The following MTHFD1L variants were observed in gnomAD, a reference collection of about 807,000 sequenced individuals.
MTHFD1L encodes monofunctional C1-tetrahydrofolate synthase, mitochondrial.
In MTHFD1L, 81 loss-of-function variants were observed where a neutral mutation model predicts 119.5. The ratio of observed to expected loss-of-function variants is 0.68; its 90% CI spans 0.57 to 0.82. MTHFD1L has a LOEUF of 0.82. MTHFD1L is among the 40% of genes least tolerant of loss of function. MTHFD1L has a pLI of 0.00. For missense variants in MTHFD1L, 1,125 were observed against 1,253.4 expected, an observed-to-expected ratio of 0.90 and a Z score of 1.55; for synonymous variants, 430 against 475.2, an observed-to-expected ratio of 0.90 and a Z score of 1.24.
intron 8 of MTHFD1L, among the ~76,000 whole-genome samples, chr6:150,910,157 G>A (rs920123294): frequency 6.6e-6 from 1 of 151,786 alleles, no homozygotes; most frequent in African/African-American, 2.4e-5. Flanking sequence ...CTCCAGCCTG[G>A]GCAGCAAGAG....
At chr6:150,953,647 A>G (rs1290681018) in intron 16 of MTHFD1L, among the ~76,000 whole-genome samples, 4 of 152,152 alleles carry the variant, frequency 2.6e-5, no homozygotes, top group Non-Finnish European at 5.9e-5. Context: ...TCACTGATGC[A>G]TCACTTACCG....
intron 24 of MTHFD1L, among the ~76,000 whole-genome samples, chr6:151,023,288 C>A (rs927819018): frequency 6.6e-6 from 1 of 152,130 alleles, no homozygotes; most frequent in Admixed American, 6.5e-5. Context: ...CTCAAGTGAT[C>A]TGTCCTCCTC....
At chr6:151,085,566 T>C (rs1584434228) in intron 26 of MTHFD1L, among the ~76,000 whole-genome samples, 1 of 152,016 alleles carries the variant, frequency 6.6e-6, no homozygotes, top group South Asian at 2.1e-4. Flanking sequence ...AGGTCAGGAG[T>C]TTGAGACCAG....
chr6:150,867,782 T>G (rs903656936), intron 1 of MTHFD1L, among the ~76,000 whole-genome samples: 4 of 151,474 alleles, frequency 2.6e-5, no homozygotes, highest in Non-Finnish European at 1.5e-5. Flanking sequence ...GTGGGTTTTA[T>G]TCATACATAT....
At chr6:151,076,716 C>G (rs1184414120) in intron 26 of MTHFD1L, among the ~76,000 whole-genome samples, 1 of 151,514 alleles carries the variant, frequency 6.6e-6, no homozygotes, top group Non-Finnish European at 1.5e-5. Context: ...CTGGAACCCT[C>G]ATACACTGCT....
Position 150,887,898 on chromosome 6 carries a change from G to T in MTHFD1L, c.697G>T (p.Glu233Ter). 6.2e-7 allele frequency: 1 copy of T among 1,610,412 alleles called. No homozygotes were observed. Among genetic ancestry groups the T allele is most frequent in the Non-Finnish European group, 8.5e-7 (1 of 1,178,582 alleles). The part of the protein sequence containing the change: ...ILVVGAHGSL[E>*]AALQCLFQRK... ...GGTAGTGGGGGCCCATGGGTCTTTG[G>T]AAGCTGCTCTACAATGCCTGTTCCA... The change falls in exon 7 of 28, where the codon GAA (glutamate) becomes TAA (stop). Residue 233 changes from glutamate (E) to a stop codon, truncating the protein, a stop_gained. Coordinates refer to ENST00000367321, the MANE Select transcript of MTHFD1L (RefSeq NM_015440.5). LOFTEE classifies it high-confidence loss of function.
chr6:150,923,537 A>ATTTTT (rs1231382945), intron 10 of MTHFD1L, among the ~76,000 whole-genome samples: 2 of 95,208 alleles, frequency 2.1e-5, no homozygotes, highest in African/African-American at 1.0e-4. Context: ...TTATTTATTT[A>ATTTTT]TTTTTTCTTT....
intron 26 of MTHFD1L, among the ~76,000 whole-genome samples, chr6:151,074,424 A>G (rs1792298726): frequency 6.6e-6 from 1 of 152,250 alleles, no homozygotes; most frequent in African/African-American, 2.4e-5. Flanking sequence ...ATAGCGTTAA[A>G]AACATTTAGA....
chr6:151,021,280 G>T (rs188919642), intron 24 of MTHFD1L, among the ~76,000 whole-genome samples: 5 of 152,334 alleles, frequency 3.3e-5, no homozygotes, highest in Admixed American at 2.6e-4. Context: ...AGGAGTGGTG[G>T]CTCTCGCCTG....
intron 19 of MTHFD1L, among the ~76,000 whole-genome samples, chr6:150,967,152 G>T (rs1797332874): frequency 6.6e-6 from 1 of 152,164 alleles, no homozygotes; most frequent in Non-Finnish European, 1.5e-5. Context: ...CCCAGCTCTT[G>T]TCTGTCACTG....
Position 150,876,094 on chromosome 6 carries a change from G to C in MTHFD1L, c.232G>C (p.Val78Leu). 1 of 1,602,544 alleles carries C rather than the reference G, an allele frequency of 6.2e-7. No homozygotes were observed. Among genetic ancestry groups the C allele is most frequent in the Non-Finnish European group, 8.5e-7 (1 of 1,171,784 alleles). ...TTGTTTTCTTTCTCAATGTAGAGAA[G>C]TCATTCAGAATTCAAAAGAAGTTCT... ...PAARDSIVRE[V>L]IQNSKEVLSL... is the part of the protein sequence containing the mutation. The change falls in exon 2 of 28, where the codon GTC becomes CTC. Residue 78 changes from valine to leucine, a missense_variant. Physicochemically the swap from Val to Leu is conservative, Grantham distance 32. This residue lies in a region of MTHFD1L where 1,058 missense variants were observed against 1,151.2 expected (regional missense o/e 0.92). Transcript: ENST00000367321.
At chr6:151,040,995 C>G (rs1308742928) in intron 26 of MTHFD1L, among the ~76,000 whole-genome samples, 1 of 152,206 alleles carries the variant, frequency 6.6e-6, no homozygotes, top group Non-Finnish European at 1.5e-5. Flanking sequence ...TGAAGTGAGC[C>G]CTCTGTGTCA....
Position 150,872,128 on chromosome 6 carries a change from G to A in MTHFD1L, c.228-3962G>A, listed in dbSNP as rs1475784671. On this transcript the variant is annotated intron_variant, in intron 1 of 27. Coordinates refer to ENST00000367321, the MANE Select transcript of MTHFD1L (RefSeq NM_015440.5). The stretch of plus-strand genomic sequence containing the variant: ...CCTGACCTCGTGATCCGCCCGCCTC[G>A]GCCTCCCAAAGTGCTGGGATTACAG... Among the ~76,000 whole-genome samples, 4 of 151,948 alleles carry A rather than the reference G, an allele frequency of 2.6e-5. 1 individual carries two copies. Among genetic ancestry groups the A allele is most frequent in the Non-Finnish European group, 1.5e-5 (1 of 67,980 alleles).
At chr6:150,972,877 T>G (rs1798169179) in intron 20 of MTHFD1L, among the ~76,000 whole-genome samples, 2 of 152,206 alleles carry the variant, frequency 1.3e-5, no homozygotes, top group Admixed American at 6.5e-5. Context: ...TGTCAAGTTC[T>G]TTGCAGAACC....
intron 27 of MTHFD1L, among the ~76,000 whole-genome samples, chr6:151,097,966 G>C (rs750565679): frequency 1.1e-4 from 17 of 152,064 alleles, no homozygotes; most frequent in Admixed American, 2.6e-4. Flanking sequence ...TTGAGCCCAG[G>C]AATTCGAGAC....
intron 7 of MTHFD1L, among the ~76,000 whole-genome samples, chr6:150,895,336 G>A (rs1784037942): frequency 6.6e-6 from 1 of 152,194 alleles, no homozygotes; most frequent in Non-Finnish European, 1.5e-5. Context: ...GGGCAGGTAC[G>A]GCAGGGCCCT....
chr6:150,961,959 T>C (rs567632569), intron 18 of MTHFD1L, among the ~76,000 whole-genome samples: 155 of 152,300 alleles, frequency 1.0e-3, no homozygotes, highest in African/African-American at 3.6e-3. Flanking sequence ...CCTCAAATAC[T>C]GCTTCCTTAA....
At chr6:150,976,140 G>A (rs1776531260) in intron 20 of MTHFD1L, among the ~76,000 whole-genome samples, 1 of 152,180 alleles carries the variant, frequency 6.6e-6, no homozygotes, top group East Asian at 1.9e-4. Context: ...GGCAGAGGTT[G>A]CAGTGAGCTG....
intron 27 of MTHFD1L, among the ~76,000 whole-genome samples, chr6:151,095,235 T>G (rs41391451): frequency 0.034 from 5,114 of 152,300 alleles, 176 homozygotes; most frequent in Admixed American, 0.11. Flanking sequence ...GATAAAATGT[T>G]GTTTCATCTT....
Sources: allele counts gnomAD v4.1 joint callset (sites outside exome capture counted in the v4.1 genomes callset), GRCh38; gene constraint gnomAD v4.1.1; regional missense constraint gnomAD v4.1.1; transcripts MANE v1.5; gene names NCBI Gene and HGNC (gene_info 2026-07-23, HGNC 2026-07-21).